Variants in GJA9 observed in about 807,000 individuals in gnomAD.
GJA9 encodes the protein gap junction protein alpha 9.
In GJA9, 1 loss-of-function variant was observed where a neutral mutation model predicts 0.4. That is an observed-to-expected ratio of 2.50 (90% CI 0.89 to 11.88). GJA9 has a LOEUF of 11.88. Among genes scored for constraint, GJA9 ranks in the 30% most tolerant of loss-of-function variants. The probability of loss-of-function intolerance (pLI) is 0.12; values close to 1 mark genes in which losing one functional copy is unlikely to be tolerated. For missense variants in GJA9, 550 were observed against 602.8 expected (o/e 0.91, Z 0.92); for synonymous variants, 190 against 219.1 (o/e 0.87, Z 1.17).
intron 1 of GJA9, among the ~76,000 whole-genome samples, chr1:38,878,653 G>C (rs879352161): frequency 1.2e-4 from 18 of 150,510 alleles, no homozygotes; most frequent in Non-Finnish European, 2.4e-4. Context: ...CTCCAGCCTT[G>C]GCGACAAGAG....
chr1:38,875,404 T>C lies in GJA9; in HGVS notation c.695A>G (p.His232Arg), dbSNP rs1642566502. ...TCTTTTAATCTTTTTAAAACCTAGG[T>C]GGAAAATTTCAAGAATGTTTAAGAA... ...SLFLNILEIF[H>R]LGFKKIKRGL... The change falls in exon 2 of 2, where the codon CAC (histidine) becomes CGC (arginine). Residue 232 changes from histidine (H) to arginine (R), a missense_variant. Physicochemically the swap from His to Arg is conservative, Grantham distance 29 (BLOSUM62 0). Transcript: ENST00000357771. 1.9e-6 allele frequency: 3 copies of C among 1,613,618 alleles called. No homozygotes were observed. Among genetic ancestry groups the C allele is most frequent in the Non-Finnish European group, 2.5e-6 (3 of 1,179,858 alleles).
Position 38,874,832 on chromosome 1 carries a change from T to C in GJA9, c.1267A>G (p.Arg423Gly), listed in dbSNP as rs41270783. Residue 423 changes from arginine to glycine, a missense_variant, in exon 2 of 2, where the codon AGA (arginine) becomes GGA (glycine). By Grantham distance (125) the Arg-to-Gly change is moderately radical (BLOSUM62 -2). Transcript: ENST00000357771. ...TCTGTAGAGGAACCCCATGTAGCTC[T>C]AAGCCACCGCGGTTTCCAATCGCAG... ...ANCDWKPRWL[R>G]ATWGSSTEHE... 3 of 1,613,950 alleles carry C rather than the reference T, an allele frequency of 1.9e-6. No individual in the cohort carries two copies. The highest frequency in any genetic ancestry group is 2.5e-6 in the Non-Finnish European group (3 of 1,179,980).
At position 38,875,057 on chromosome 1, in the gene GJA9, A is replaced by G; in HGVS notation, c.1042T>C (p.Ser348Pro). Reference sequence around the variant, plus strand: ...TTATGAGTGTCTTTGTTATTGTTTGAACTGATGTGTTGAAAATGACTACAA... The same window carrying G: ...TTATGAGTGTCTTTGTTATTGTTTGGACTGATGTGTTGAAAATGACTACAA... ...TSCSHFQHIS[S>P]NNNKDTHKIF... The change falls in exon 2 of 2, where the codon TCA becomes CCA. Residue 348 changes from serine to proline, a missense_variant. Coordinates refer to ENST00000357771, the MANE Select transcript of GJA9 (RefSeq NM_030772.5). The G allele has an allele frequency of 2.5e-6, 4 of 1,614,112 alleles. No individual in the cohort carries two copies. The highest frequency in any genetic ancestry group is 3.4e-6 in the Non-Finnish European group (4 of 1,180,008).
rs1418682485 is a variant in GJA9 at position 38,875,847 on chromosome 1, A to T, written c.252T>A (p.Phe84Leu). Residue 84 changes from phenylalanine to leucine, a missense_variant, in exon 2 of 2, where the codon TTT becomes TTA. Phe to Leu is a conservative substitution (Grantham distance 22). Coordinates refer to ENST00000357771, the MANE Select transcript of GJA9 (RefSeq NM_030772.5). ...TGTAGACCAGGGATGGTGAAGACAC[A>T]AATATCACCTGCAGAACCCAGTATC... ...LIRYWVLQVI[F>L]VSSPSLVYMG... The T allele has an allele frequency of 6.2e-7, 1 of 1,614,118 alleles. No homozygotes were observed. The highest frequency in any genetic ancestry group is 1.3e-5 in the African/African-American group (1 of 74,946).
chr1:38,880,639 G>A (rs975875327), intron 1 of GJA9, among the ~76,000 whole-genome samples: 3 of 151,324 alleles, frequency 2.0e-5, no homozygotes, highest in Non-Finnish European at 4.4e-5. Flanking sequence ...AAAATTAGCC[G>A]GGCATGGTGG....
intron 1 of GJA9, among the ~76,000 whole-genome samples, chr1:38,877,019 C>T (rs957027629): frequency 1.4e-5 from 2 of 140,368 alleles, no homozygotes; most frequent in African/African-American, 5.3e-5. Context: ...TGAGCCAATG[C>T]GCATGGCCTA....
At chr1:38,880,102 G>A (rs904306408) in intron 1 of GJA9, among the ~76,000 whole-genome samples, 3 of 147,122 alleles carry the variant, frequency 2.0e-5, no homozygotes, top group African/African-American at 7.4e-5. Flanking sequence ...ACTTTATTAT[G>A]TTAATAATAG....
Position 38,874,764 on chromosome 1 carries a change from GC to G in GJA9, c.1334del (p.Gly445AlafsTer53). On this transcript the variant is annotated frameshift_variant, in exon 2 of 2. Coordinates refer to ENST00000357771, the MANE Select transcript of GJA9 (RefSeq NM_030772.5). LOFTEE classifies it low-confidence loss of function (END_TRUNC). The stretch of plus-strand genomic sequence containing the variant: ...TTCTGACTGTGCCCTTTCTGAACTG[GC>G]CCTTGAGGTTACCTTTAGGAGGTGA... ...RGSPPKGNLK[G>X]QFRKGTVRTL... is the part of the protein sequence containing the mutation. 1 of 1,614,160 alleles carries G rather than the reference GC, an allele frequency of 6.2e-7. No homozygotes were observed.
Position 38,875,749 on chromosome 1 carries a change from T to G in GJA9, c.350A>C (p.Glu117Ala). The G allele has an allele frequency of 1.2e-6, 2 of 1,614,244 alleles. No homozygotes were observed. The highest frequency in any genetic ancestry group is 4.5e-5 in the East Asian group (2 of 44,892). The change falls in exon 2 of 2, where the codon GAA (glutamate) becomes GCA (alanine). Residue 117 changes from glutamate (E) to alanine (A), a missense_variant. Coordinates refer to ENST00000357771, the MANE Select transcript of GJA9 (RefSeq NM_030772.5). ...CATTTCAAACTCTACCTCCTCCAGT[T>G]CTACTCTTAACTGAGCTTTCATCCT... Reference protein sequence around the residue: ...RQRMKAQLRVELEEVEFEMPR... With the variant: ...RQRMKAQLRVALEEVEFEMPR...
chr1:38,875,463 T>C lies in GJA9; in HGVS notation c.636A>G (p.Leu212=), dbSNP rs182761913. 2.5e-6 allele frequency: 4 copies of C among 1,614,128 alleles called. No homozygotes were observed. The highest frequency in any genetic ancestry group is 4.5e-5 in the East Asian group (2 of 44,882). Residue 212 remains leucine, a synonymous_variant, in exon 2 of 2, where the codon CTA becomes CTG. Transcript: ENST00000357771. ...TAGTGGCTATAGATTGCATAAATAA[T>C]AGGAATATTGTCTTTTCTGTTGGTC... is the stretch of plus-strand genomic sequence containing the variant. ...VSRPTEKTIF[L]LFMQSIATIS...
At chr1:38,876,309 T>G in intron 1 of GJA9, 116 bp from the exon 2 acceptor site, 1 of 581,550 alleles carries the variant, frequency 1.7e-6, no homozygotes, top group Non-Finnish European at 3.1e-6. Context: ...AGTCTCCCTC[T>G]GTTGCCCAGG....
chr1:38,877,020 G>T (rs193248847), intron 1 of GJA9, among the ~76,000 whole-genome samples: 3 of 150,672 alleles, frequency 2.0e-5, no homozygotes. Flanking sequence ...GAGCCAATGC[G>T]CATGGCCTAA....
rs202212968 is a variant in GJA9 at position 38,875,628 on chromosome 1, A to G, written c.471T>C (p.Tyr157=). The part of the protein sequence containing the change: ...APLRGTLLCT[Y]VIHIFTRSVV... ...CAGAGCGAGTGAAAATGTGTATCAC[A>G]TAAGTGCAAAGCAAGGTTCCTCTGA... is the stretch of plus-strand genomic sequence containing the variant. The change falls in exon 2 of 2, where the codon TAT becomes TAC. Residue 157 remains tyrosine, a synonymous_variant. Coordinates refer to ENST00000357771, the MANE Select transcript of GJA9 (RefSeq NM_030772.5). 50 of 1,614,232 alleles carry G rather than the reference A, an allele frequency of 3.1e-5. No homozygotes were observed. The highest frequency in any genetic ancestry group is 3.3e-4 in the Middle Eastern group (2 of 6,062).
At position 38,881,515 on chromosome 1, in the gene GJA9, T is replaced by A. The variant is rs1243461558; in HGVS notation, c.-179A>T. The A allele has an allele frequency of 1.4e-6, 1 of 700,006 alleles. No homozygotes were observed. The highest frequency in any genetic ancestry group is 2.6e-6 in the Non-Finnish European group (1 of 383,688). 43.4% of individuals were successfully genotyped at this position (700,006 alleles called of 1,614,324 possible). ...ATCTTCAATTTATTTTCTGAATTTG[T>A]CCCTTTGCTGGTATAGAGCAGATTC... On this transcript the variant is annotated 5_prime_UTR_variant, in exon 1 of 2. Coordinates refer to ENST00000357771, the MANE Select transcript of GJA9 (RefSeq NM_030772.5).
At chr1:38,881,248 G>A (rs1557602849) in intron 1 of GJA9, among the ~76,000 whole-genome samples, 184 bp downstream of exon 1, 1 of 151,914 alleles carries the variant, frequency 6.6e-6, no homozygotes, top group Non-Finnish European at 1.5e-5. Flanking sequence ...TTTTCATAAA[G>A]GACAACACAT....
chr1:38,880,138 C>T (rs1642664805), intron 1 of GJA9, among the ~76,000 whole-genome samples: 1 of 151,318 alleles, frequency 6.6e-6, no homozygotes, highest in African/African-American at 2.4e-5. Context: ...CACGGTGGCT[C>T]ACGCCTGTAA....
rs753987673 is a variant in GJA9 at position 38,875,943 on chromosome 1, G to T, written c.156C>A (p.Phe52Leu). 5.0e-6 allele frequency: 8 copies of T among 1,614,110 alleles called. No individual in the cohort carries two copies. In the East Asian group the frequency reaches 1.6e-4, roughly 31 times the overall value. ...EDVWNDEQSG[F>L]ICNTEQPGCR... is the part of the protein sequence containing the mutation. ...AGCCTGGTTGTTCTGTATTGCAGATGAAGCCAGACTGCTCATCATTCCAGA... is the reference window on the plus strand; with the variant it reads ...AGCCTGGTTGTTCTGTATTGCAGATTAAGCCAGACTGCTCATCATTCCAGA... The change falls in exon 2 of 2, where the codon TTC becomes TTA. Residue 52 changes from phenylalanine to leucine, a missense_variant. Transcript: ENST00000357771.
At chr1:38,876,630 A>G (rs1046456577) in intron 1 of GJA9, among the ~76,000 whole-genome samples, 1 of 152,084 alleles carries the variant, frequency 6.6e-6, no homozygotes, top group African/African-American at 2.4e-5. Context: ...ATTTAAAATC[A>G]CTTATATTTA....
At chr1:38,879,749 C>CG (rs1407324159) in intron 1 of GJA9, among the ~76,000 whole-genome samples, 4 of 152,090 alleles carry the variant, frequency 2.6e-5, no homozygotes, top group Non-Finnish European at 5.9e-5. Context: ...TTTTCTGAGA[C>CG]GGAGTCTCGC....
Sources: gnomAD v4.1 joint callset for allele counts (sites outside exome capture counted in the v4.1 genomes callset) on GRCh38, gnomAD v4.1.1 for gene constraint, MANE v1.5 for transcripts, NCBI Gene and HGNC (gene_info 2026-07-23, HGNC 2026-07-21) for gene names.